ERP44: variants seen among roughly 807,000 people sequenced by gnomAD.
The protein encoded by ERP44 is endoplasmic reticulum resident protein 44.
ERP44 carries 25 observed loss-of-function variants against 53.4 expected under a neutral mutation model. That is an observed-to-expected ratio of 0.47 (90% CI 0.34 to 0.65). ERP44 has a LOEUF of 0.65. ERP44 is among the 30% of genes least tolerant of loss of function. The pLI is 0.01. For synonymous variants in ERP44, 145 were observed against 161.2 expected, an observed-to-expected ratio of 0.90 and a Z score of 0.76; for missense variants, 338 against 493.2, an observed-to-expected ratio of 0.69 and a Z score of 2.98.
intron 1 of ERP44, among the ~76,000 whole-genome samples, chr9:100,067,214 C>T (rs1488425847): frequency 3.3e-5 from 5 of 152,338 alleles, no homozygotes; most frequent in Admixed American, 3.3e-4. Flanking sequence ...CTCTCCCTCT[C>T]TTTCCACAGT....
At chr9:99,985,874 T>C (rs767126682) in intron 10 of ERP44, among the ~76,000 whole-genome samples, 3 of 152,258 alleles carry the variant, frequency 2.0e-5, no homozygotes, top group Non-Finnish European at 4.4e-5. Context: ...TCAGTTGTTT[T>C]GTTTTGGAGA....
At chr9:99,996,676 C>A (rs1830312789) in intron 10 of ERP44, among the ~76,000 whole-genome samples, 1 of 152,110 alleles carries the variant, frequency 6.6e-6, no homozygotes, top group Non-Finnish European at 1.5e-5. Flanking sequence ...TTATCCCTCA[C>A]CCACCTCCCA....
In ERP44 at chr9:100,036,538, T is replaced by A. The variant is rs548143708; in HGVS notation, c.287-14312A>T. Among the ~76,000 whole-genome samples, 3 of 152,264 alleles carry A rather than the reference T, an allele frequency of 2.0e-5. No individual in the cohort carries two copies. In the South Asian group the frequency reaches 6.2e-4, roughly 32 times the overall value. On this transcript the variant is annotated intron_variant, in intron 4 of 11. Coordinates refer to ENST00000262455, the MANE Select transcript of ERP44 (RefSeq NM_015051.3). ...GGGCAAGGACTAAAAAGCTACCTAT[T>A]GGGTACTCTGCTCACAGCAGGTTGA...
chr9:100,072,609 G>A (rs1199614619), intron 1 of ERP44, among the ~76,000 whole-genome samples: 3 of 152,026 alleles, frequency 2.0e-5, no homozygotes, highest in Non-Finnish European at 2.9e-5. Flanking sequence ...TGCAACCTTC[G>A]CCTCCCTGGT....
intron 1 of ERP44, among the ~76,000 whole-genome samples, chr9:100,075,132 G>C (rs2118739942): frequency 6.6e-6 from 1 of 152,334 alleles, no homozygotes; most frequent in South Asian, 2.1e-4. Context: ...CAAGGGTGGT[G>C]ATTCCCAGCA....
intron 1 of ERP44, among the ~76,000 whole-genome samples, chr9:100,088,956 T>A (rs776721462): frequency 3.9e-5 from 6 of 152,216 alleles, no homozygotes; most frequent in Non-Finnish European, 7.3e-5. Flanking sequence ...ACAAATAAGA[T>A]ACATGCTTTA....
At chr9:100,024,992 G>A (rs1015749550) in intron 4 of ERP44, among the ~76,000 whole-genome samples, 10 of 152,194 alleles carry the variant, frequency 6.6e-5, no homozygotes, top group Admixed American at 5.2e-4. Flanking sequence ...GCCAGGTACA[G>A]TGACACATGC....
At chr9:99,998,418 C>T in intron 10 of ERP44, 2 of 647,760 alleles carry the variant, frequency 3.1e-6, no homozygotes, top group Non-Finnish European at 5.6e-6. Flanking sequence ...GGCCGGTCCT[C>T]GTTTGCCAGT....
Position 100,092,078 on chromosome 9 carries a change from A to G in ERP44, c.57+6706T>C, listed in dbSNP as rs559886585. Among the ~76,000 whole-genome samples the G allele has an allele frequency of 3.3e-5, 5 of 152,356 alleles. No individual in the cohort carries two copies. The South Asian group carries it at 1.0e-3, about 32-fold the overall frequency. On this transcript the variant is annotated intron_variant, in intron 1 of 11. Transcript: ENST00000262455. ...GATTGCAAATAGACTTTCAAATGAT[A>G]GGCAGAAAAGAAAAATAATAACAAA...
At chr9:99,995,776 A>C (rs890998365) in intron 10 of ERP44, among the ~76,000 whole-genome samples, 2 of 152,334 alleles carry the variant, frequency 1.3e-5, no homozygotes, top group East Asian at 1.9e-4. Flanking sequence ...TCATCTGTAG[A>C]CAGACACTTG....
chr9:100,022,291 G>GCAAACA, intron 4 of ERP44, 65 bp from the exon 5 acceptor site: 2 of 1,325,408 alleles, frequency 1.5e-6, no homozygotes, highest in Non-Finnish European at 2.0e-6. Context: ...TTGCCTAATG[G>GCAAACA]TCAAAAATCT....
chr9:100,057,692 CTTAATTGACT>C (rs1322477941), intron 3 of ERP44, 118 bp downstream of exon 3: 2 of 695,920 alleles, frequency 2.9e-6, no homozygotes, highest in African/African-American at 1.9e-5. Flanking sequence ...GTGGATGAAA[CTTAATTGACT>C]TTATGTATGG....
chr9:100,008,753 C>T (rs1830443222), intron 8 of ERP44, among the ~76,000 whole-genome samples: 1 of 152,110 alleles, frequency 6.6e-6, no homozygotes, highest in South Asian at 2.1e-4. Context: ...ATACAATTAG[C>T]ATACCATAAA....
At chr9:100,009,048 T>C (rs1480802593) in intron 8 of ERP44, among the ~76,000 whole-genome samples, 1 of 151,982 alleles carries the variant, frequency 6.6e-6, no homozygotes, top group African/African-American at 2.4e-5. Flanking sequence ...CAGCCCATCA[T>C]TTTTAAGTGT....
chr9:100,065,876 T>C (rs138845805), intron 1 of ERP44, among the ~76,000 whole-genome samples: 71 of 152,370 alleles, frequency 4.7e-4, no homozygotes, highest in African/African-American at 1.6e-3. Flanking sequence ...AGGTGTCAAG[T>C]GTTTTCTTAG....
In ERP44 at chr9:99,981,347, T is replaced by C. The variant is rs999674122; in HGVS notation, c.*1265A>G. 6.6e-5 allele frequency: 10 copies of C among 152,650 alleles called. No individual in the cohort carries two copies. The highest frequency in any genetic ancestry group is 1.2e-4 in the Non-Finnish European group (8 of 68,048). 9.5% of individuals were successfully genotyped at this position (152,650 alleles called of 1,614,324 possible). On this transcript the variant is annotated 3_prime_UTR_variant, in exon 12 of 12. Coordinates refer to ENST00000262455, the MANE Select transcript of ERP44 (RefSeq NM_015051.3). ...AAATATTAATTTTATTTTAAAAGAA[T>C]TGGAAGATGTTACATATATTACATA...
chr9:100,051,385 G>A (rs1010774312), intron 4 of ERP44, among the ~76,000 whole-genome samples: 4 of 152,158 alleles, frequency 2.6e-5, no homozygotes, highest in African/African-American at 9.7e-5. Context: ...TTAGGTGTGT[G>A]TACACACATA....
At chr9:100,001,274 C>A (rs1221612648) in intron 10 of ERP44, among the ~76,000 whole-genome samples, 4 of 152,210 alleles carry the variant, frequency 2.6e-5, no homozygotes, top group African/African-American at 7.2e-5. Flanking sequence ...ATGATCTATC[C>A]TGAAGAATGT....
chr9:100,091,239 G>T (rs1187600092), intron 1 of ERP44, among the ~76,000 whole-genome samples: 1 of 152,218 alleles, frequency 6.6e-6, no homozygotes, highest in East Asian at 1.9e-4. Flanking sequence ...AGAGATGAAT[G>T]TGGTGACCAC....
Sources: gnomAD v4.1 joint callset for allele counts (sites outside exome capture counted in the v4.1 genomes callset) on GRCh38, gnomAD v4.1.1 for gene constraint, MANE v1.5 for transcripts, NCBI Gene and HGNC (gene_info 2026-07-23, HGNC 2026-07-21) for gene names.